The following ZNF354A variants were observed in gnomAD, a reference collection of about 807,000 sequenced individuals.
ZNF354A encodes epididymis luminal protein 104.
In ZNF354A, 25 loss-of-function variants were observed where a neutral mutation model predicts 53.3. The observed-to-expected ratio is 0.47, with a 90% CI of 0.34 to 0.66. The LOEUF is 0.66. Among genes scored for constraint, ZNF354A ranks in the 30% least tolerant of loss-of-function variants. ZNF354A has a pLI of 0.01. For missense variants in ZNF354A, 586 were observed against 716.8 expected (o/e 0.82, Z 2.08); for synonymous variants, 228 against 249.0 (o/e 0.92, Z 0.79).
chr5:178,720,294 A>T lies in ZNF354A; in HGVS notation c.256+5082T>A, dbSNP rs909062921. On this transcript the variant is annotated intron_variant, in intron 4 of 4. Coordinates refer to ENST00000335815, the MANE Select transcript of ZNF354A (RefSeq NM_005649.3). ...ACCGCATCATTCAAAAGAGAGACGT[A>T]GAAGTCCTAACTTCCAGGACCTCAG... Among the ~76,000 whole-genome samples, 9 of 152,376 alleles carry T rather than the reference A, an allele frequency of 5.9e-5. No homozygotes were observed. The South Asian group carries it at 1.2e-3, about 21-fold the overall frequency.
intron 4 of ZNF354A, among the ~76,000 whole-genome samples, chr5:178,715,763 C>G (rs1358538229): frequency 1.3e-5 from 2 of 152,150 alleles, no homozygotes; most frequent in Non-Finnish European, 2.9e-5. Context: ...CTCACCTTTG[C>G]TACAGCCCTG....
intron 4 of ZNF354A, among the ~76,000 whole-genome samples, chr5:178,721,538 AGTACTAACTGTGCTGTTCT>A (rs1406989062): frequency 6.6e-6 from 1 of 152,204 alleles, no homozygotes; most frequent in African/African-American, 2.4e-5. Flanking sequence ...CTTAGATAAC[AGTACTAACTGTGCTGTTCT>A]GCACTTATTC....
intron 4 of ZNF354A, among the ~76,000 whole-genome samples, chr5:178,715,585 G>A (rs1765695914): frequency 6.6e-6 from 1 of 152,138 alleles, no homozygotes; most frequent in Non-Finnish European, 1.5e-5. Flanking sequence ...AATATATGGA[G>A]GGGGCAGTGG....
intron 2 of ZNF354A, among the ~76,000 whole-genome samples, chr5:178,728,605 C>A (rs1242969449): frequency 1.3e-5 from 2 of 150,056 alleles, no homozygotes; most frequent in Admixed American, 6.6e-5. Context: ...GCCTGGCCAA[C>A]GTGGTGAAAC....
intron 4 of ZNF354A, 80 bp downstream of exon 4, chr5:178,725,296 T>C (rs1392501295): frequency 1.4e-6 from 2 of 1,417,488 alleles, no homozygotes; most frequent in South Asian, 1.2e-5. Flanking sequence ...TCAAGGGAGT[T>C]TCCCAACCAA....
intron 4 of ZNF354A, among the ~76,000 whole-genome samples, chr5:178,716,466 T>C (rs1032239389): frequency 5.3e-5 from 8 of 152,210 alleles, no homozygotes; most frequent in African/African-American, 1.9e-4. Flanking sequence ...GGCAGCATCC[T>C]TTCCATTCAC....
In ZNF354A at chr5:178,726,986, A is replaced by G. The variant is rs772418697; in HGVS notation, c.160+13T>C. 129 of 1,595,394 alleles carry G rather than the reference A, an allele frequency of 8.1e-5. No individual in the cohort carries two copies. The highest frequency in any genetic ancestry group is 2.3e-4 in the Admixed American group (13 of 55,894). ...ATTTTTGAATTCTGTTTCTAGAGGGAAAATTTCCTTACCCAGTGAGACCAG... is the reference window on the plus strand; with the variant it reads ...ATTTTTGAATTCTGTTTCTAGAGGGGAAATTTCCTTACCCAGTGAGACCAG... On this transcript the variant is annotated intron_variant, in intron 3 of 4. Transcript: ENST00000335815.
In ZNF354A at chr5:178,718,236, C is replaced by G. The variant is rs565484156; in HGVS notation, c.257-4615G>C. On this transcript the variant is annotated intron_variant, in intron 4 of 4. Transcript: ENST00000335815. ...TGATCTGTTTAGAACTTTCTAGAGG[C>G]CTACAAATAGGTCTCCTGAGGTGCA... Among the ~76,000 whole-genome samples the G allele has an allele frequency of 9.8e-5, 15 of 152,286 alleles. No individual in the cohort carries two copies. The South Asian group carries it at 3.1e-3, about 32-fold the overall frequency.
rs1313936420 is a variant in ZNF354A at position 178,719,722 on chromosome 5, C to T, written c.256+5654G>A. On this transcript the variant is annotated intron_variant, in intron 4 of 4. Transcript: ENST00000335815. ...CAGCACTTTGGGAGGCCGAGGCGGGCGGATCACGAGGTCAGGAGATCGAGA... is the reference window on the plus strand; with the variant it reads ...CAGCACTTTGGGAGGCCGAGGCGGGTGGATCACGAGGTCAGGAGATCGAGA... 1.1e-4 allele frequency among the ~76,000 whole-genome samples: 17 copies of T among 151,978 alleles called. No individual in the cohort carries two copies. In the East Asian group the frequency reaches 1.3e-3, roughly 12 times the overall value.
rs1765920127 is a variant in ZNF354A at position 178,726,946 on chromosome 5, T to A, written c.160+53A>T. 31 of 1,568,302 alleles carry A rather than the reference T, an allele frequency of 2.0e-5. 2 individuals are homozygous for A. The South Asian group carries it at 3.6e-4, about 18-fold the overall frequency. ...AACCGCTTTTATTCAGGGAAGGAGGTGCTGAGATATCCCAATTTTTGAATT... is the reference window on the plus strand; with the variant it reads ...AACCGCTTTTATTCAGGGAAGGAGGAGCTGAGATATCCCAATTTTTGAATT... On this transcript the variant is annotated intron_variant, in intron 3 of 4. Coordinates refer to ENST00000335815, the MANE Select transcript of ZNF354A (RefSeq NM_005649.3).
Position 178,711,929 on chromosome 5 carries a change from G to T in ZNF354A, c.*131C>A. 2 of 1,120,482 alleles carry T rather than the reference G, an allele frequency of 1.8e-6. No individual in the cohort carries two copies. The highest frequency in any genetic ancestry group is 2.5e-6 in the Non-Finnish European group (2 of 812,408). 69.4% of individuals were successfully genotyped at this position (1,120,482 alleles called of 1,614,324 possible). On this transcript the variant is annotated 3_prime_UTR_variant, in exon 5 of 5. Coordinates refer to ENST00000335815, the MANE Select transcript of ZNF354A (RefSeq NM_005649.3). ...TATTATATAGCTGAGGTTTATCCATGGAATTAAATACCTAATGAGGGCTAA... is the reference window on the plus strand; with the variant it reads ...TATTATATAGCTGAGGTTTATCCATTGAATTAAATACCTAATGAGGGCTAA...
At position 178,719,671 on chromosome 5, in the gene ZNF354A, G is replaced by C. The variant is rs550057415; in HGVS notation, c.256+5705C>G. Among the ~76,000 whole-genome samples the C allele has an allele frequency of 2.6e-5, 4 of 152,266 alleles. No homozygotes were observed. The South Asian group carries it at 8.3e-4, about 32-fold the overall frequency. Reference sequence around the variant, plus strand: ...CCTATAAAAATGTCACTTGCGGCCGGGCGCGGTGGCTCACGCCTGTAATCC... The same window carrying C: ...CCTATAAAAATGTCACTTGCGGCCGCGCGCGGTGGCTCACGCCTGTAATCC... On this transcript the variant is annotated intron_variant, in intron 4 of 4. Transcript: ENST00000335815.
intron 1 of ZNF354A, among the ~76,000 whole-genome samples, chr5:178,729,882 T>TTTTTTTTTTTTTTTTA (rs1233141218): frequency 2.0e-4 from 30 of 147,632 alleles, no homozygotes; most frequent in South Asian, 4.4e-4. Context: ...GTTTCTTTTT[T>TTTTTTTTTTTTTTTTA]GAGACGGAGT....
intron 3 of ZNF354A, among the ~76,000 whole-genome samples, chr5:178,725,742 G>C (rs1452918921): frequency 6.6e-6 from 1 of 152,200 alleles, no homozygotes; most frequent in Non-Finnish European, 1.5e-5. Flanking sequence ...GCTTTCTATA[G>C]AAGAGGAAAT....
At position 178,713,621 on chromosome 5, in the gene ZNF354A, C is replaced by T. The variant is rs201001659; in HGVS notation, c.257G>A (p.Gly86Glu). The change falls in exon 5 of 5, where the codon GGA becomes GAA. Residue 86 changes from glycine to glutamate, a missense_variant and splice_region_variant. Physicochemically the swap from Gly to Glu is moderately conservative, Grantham distance 98. Coordinates refer to ENST00000335815, the MANE Select transcript of ZNF354A (RefSeq NM_005649.3). ...TGTGGTTTTATGACTGCTCTTCGAT[C>T]CTGGAGGGAAAAAAAAAATCAAAAA... ...EKDGSGVSSLGSKSSHKTTKS... is the reference protein window; with the variant it reads ...EKDGSGVSSLESKSSHKTTKS... 1 of 1,540,054 alleles carries T rather than the reference C, an allele frequency of 6.5e-7. No homozygotes were observed. The highest frequency in any genetic ancestry group is 2.3e-5 in the East Asian group (1 of 44,152).
intron 4 of ZNF354A, among the ~76,000 whole-genome samples, chr5:178,715,443 C>G (rs895444308): frequency 2.0e-5 from 3 of 151,962 alleles, no homozygotes; most frequent in African/African-American, 7.3e-5. Flanking sequence ...CTTCACATGC[C>G]TTATATCTTT....
At chr5:178,716,385 G>T (rs920998654) in intron 4 of ZNF354A, among the ~76,000 whole-genome samples, 1 of 152,118 alleles carries the variant, frequency 6.6e-6, no homozygotes, top group African/African-American at 2.4e-5. Flanking sequence ...CTGGCTTCTT[G>T]CCAGGTATGC....
At chr5:178,713,714 CA>C in intron 4 of ZNF354A, 93 bp from the exon 5 acceptor site, 3 of 1,404,800 alleles carry the variant, frequency 2.1e-6, no homozygotes, top group Non-Finnish European at 2.8e-6. Context: ...ATATTGGTGA[CA>C]TTTAAATAAG....
intron 4 of ZNF354A, among the ~76,000 whole-genome samples, chr5:178,715,746 A>G (rs1417325969): frequency 6.6e-6 from 1 of 152,148 alleles, no homozygotes; most frequent in African/African-American, 2.4e-5. Flanking sequence ...AGTGTAAAGA[A>G]AGGTCCCTCA....
Sources: gnomAD v4.1 joint callset for allele counts (sites outside exome capture counted in the v4.1 genomes callset) on GRCh38, gnomAD v4.1.1 for gene constraint, MANE v1.5 for transcripts, NCBI Gene and HGNC (gene_info 2026-07-23, HGNC 2026-07-21) for gene names.